The following NRXN3 variants were observed in gnomAD, a reference collection of about 807,000 sequenced individuals.
NRXN3 encodes neurexin 3.
In NRXN3, 32 loss-of-function variants were observed where a neutral mutation model predicts 137.6. That is an observed-to-expected ratio of 0.23 (90% confidence interval 0.18 to 0.31). The LOEUF is 0.31. Among genes scored for constraint, NRXN3 ranks in the 10% least tolerant of loss-of-function variants. The pLI, the probability that NRXN3 is intolerant of heterozygous loss-of-function variation, is 1.00. For synonymous variants in NRXN3, 798 were observed against 784.5 expected (o/e 1.02, Z -0.29); for missense variants, 1,574 against 2,062.5 (o/e 0.76, Z 4.59).
chr14:78,700,000 G>T (rs1377287206), intron 6 of NRXN3, among the ~76,000 whole-genome samples: 2 of 152,188 alleles, frequency 1.3e-5, no homozygotes, highest in Non-Finnish European at 2.9e-5. Context: ...AGAGGGCACA[G>T]AAGTACAGTT....
rs77937081 is a variant in NRXN3 at position 78,737,925 on chromosome 14, C to A, written c.2044+22786C>A. On this transcript the variant is annotated intron_variant, in intron 8 of 20. Coordinates refer to ENST00000335750, the MANE Select transcript of NRXN3 (RefSeq NM_001330195.2). ...AGCAGTCCCTGAGGATTGCTCTGCT[C>A]TGTCTATCACTGCGCGGGGTGGGAG... Among the ~76,000 whole-genome samples the A allele has an allele frequency of 0.018, 2,773 of 152,224 alleles. 113 individuals are homozygous for A. In the East Asian group the frequency reaches 0.21, roughly 11 times the overall value.
intron 10 of NRXN3, among the ~76,000 whole-genome samples, chr14:78,934,077 A>G (rs1264786311): frequency 1.3e-5 from 2 of 149,208 alleles, no homozygotes; most frequent in Non-Finnish European, 3.0e-5. Context: ...CTGCTCTTTG[A>G]GCTTACCTTA....
chr14:78,214,660 C>T (rs1351869683), intron 1 of NRXN3, among the ~76,000 whole-genome samples: 2 of 152,104 alleles, frequency 1.3e-5, no homozygotes, highest in East Asian at 1.9e-4. Flanking sequence ...AAACAAAATA[C>T]AAGGCAGAGC....
chr14:79,243,530 C>T (rs1319871969), intron 15 of NRXN3, among the ~76,000 whole-genome samples: 2 of 152,152 alleles, frequency 1.3e-5, no homozygotes, highest in Non-Finnish European at 1.5e-5. Flanking sequence ...ACTATAGCCA[C>T]ATGTCTCATG....
At chr14:79,701,262 G>C (rs536100297) in intron 19 of NRXN3, among the ~76,000 whole-genome samples, 2 of 152,014 alleles carry the variant, frequency 1.3e-5, no homozygotes, top group Admixed American at 1.3e-4. Flanking sequence ...GTAAGTTCTA[G>C]TTAACTATTT....
chr14:78,172,476 A>T (rs931672645), intron 1 of NRXN3, among the ~76,000 whole-genome samples: 1 of 152,108 alleles, frequency 6.6e-6, no homozygotes, highest in Non-Finnish European at 1.5e-5. Flanking sequence ...TTTATTTTTT[A>T]ATCTTCGGGC....
intron 4 of NRXN3, among the ~76,000 whole-genome samples, chr14:78,569,852 C>T (rs1480730128): frequency 6.6e-6 from 1 of 152,184 alleles, no homozygotes; most frequent in Non-Finnish European, 1.5e-5. Context: ...TCAAGCGATC[C>T]TCCTGCCTCA....
chr14:78,835,474 C>T (rs1243269732), intron 10 of NRXN3, among the ~76,000 whole-genome samples: 3 of 152,118 alleles, frequency 2.0e-5, no homozygotes, highest in African/African-American at 7.2e-5. Flanking sequence ...TATTAGGACT[C>T]AGGTTGTGGG....
At chr14:79,048,288 T>C (rs983903292) in intron 15 of NRXN3, among the ~76,000 whole-genome samples, 1 of 152,170 alleles carries the variant, frequency 6.6e-6, no homozygotes, top group East Asian at 1.9e-4. Flanking sequence ...TGAGAGAGCT[T>C]TGTGGGATGG....
chr14:79,472,131 T>G (rs923896345), intron 16 of NRXN3, among the ~76,000 whole-genome samples: 2 of 152,204 alleles, frequency 1.3e-5, no homozygotes, highest in African/African-American at 2.4e-5. Context: ...CTAAAGATGA[T>G]GGCCTCCAGC....
intron 4 of NRXN3, among the ~76,000 whole-genome samples, chr14:78,380,328 A>AAAAAG: frequency 6.6e-6 from 1 of 151,208 alleles, no homozygotes; most frequent in Non-Finnish European, 1.5e-5. Context: ...AAAAAAAAAA[A>AAAAAG]GATGTGTTTA....
intron 2 of NRXN3, among the ~76,000 whole-genome samples, chr14:78,252,302 TCTTTGGGGGAAAAACAGTGCACC>T: frequency 6.6e-6 from 1 of 152,102 alleles, no homozygotes; most frequent in South Asian, 2.1e-4. Context: ...ACTCTTTGGC[TCTTTGGGGGAAAAACAGTGCACC>T]ATCCAAAGGT....
intron 15 of NRXN3, among the ~76,000 whole-genome samples, chr14:79,286,524 A>G (rs1019965195): frequency 2.2e-5 from 3 of 139,350 alleles, no homozygotes; most frequent in Non-Finnish European, 4.6e-5. Flanking sequence ...TGGTGAGATG[A>G]TTGAGAGAAT....
chr14:78,554,174 C>T (rs910404489), intron 4 of NRXN3, among the ~76,000 whole-genome samples: 10 of 152,114 alleles, frequency 6.6e-5, no homozygotes, highest in African/African-American at 2.4e-4. Flanking sequence ...GACACCTCCT[C>T]CTAATTAATG....
chr14:78,471,668 A>G (rs188302944), intron 4 of NRXN3, among the ~76,000 whole-genome samples: 3 of 152,328 alleles, frequency 2.0e-5, no homozygotes, highest in Middle Eastern at 3.4e-3. Context: ...GATCATTACA[A>G]CAGCCTGGTG....
rs1443219830 is a variant in NRXN3, at chr14:78,460,759, T to C, written c.757+162899T>C. 2.6e-5 allele frequency among the ~76,000 whole-genome samples: 4 copies of C among 152,280 alleles called. 1 individual carries two copies. The highest frequency in any genetic ancestry group is 6.8e-3 in the Middle Eastern group (2 of 294). ...TATCCCTGTTGGGTCAATAATTAGT[T>C]GGTATGTGACTAATGTATTGGGAAG... On this transcript the variant is annotated intron_variant, in intron 4 of 20. Coordinates refer to ENST00000335750, the MANE Select transcript of NRXN3 (RefSeq NM_001330195.2).
intron 10 of NRXN3, among the ~76,000 whole-genome samples, chr14:78,854,997 C>T (rs923360325): frequency 6.6e-6 from 1 of 152,024 alleles, no homozygotes; most frequent in South Asian, 2.1e-4. Flanking sequence ...AACCCCGTCT[C>T]TACTAAAAAT....
chr14:78,399,878 G>A (rs2091887144), intron 4 of NRXN3, among the ~76,000 whole-genome samples: 1 of 152,186 alleles, frequency 6.6e-6, no homozygotes. Flanking sequence ...AAAATGCAAG[G>A]CAGCAGAGAG....
At chr14:78,788,103 G>A (rs1287218966) in intron 8 of NRXN3, among the ~76,000 whole-genome samples, 1 of 152,058 alleles carries the variant, frequency 6.6e-6, no homozygotes, top group Non-Finnish European at 1.5e-5. Flanking sequence ...AAGGTCCCAC[G>A]GTTGCATGCC....
Sources: allele counts gnomAD v4.1 joint callset (sites outside exome capture counted in the v4.1 genomes callset), GRCh38; gene constraint gnomAD v4.1.1; transcripts MANE v1.5; gene names NCBI Gene and HGNC (gene_info 2026-07-23, HGNC 2026-07-21).